RERE: variants seen among roughly 807,000 people sequenced by gnomAD.
RERE encodes arginine-glutamic acid dipeptide repeats protein.
Under a neutral mutation model 146.1 loss-of-function variants are expected in RERE, and 40 were observed. That is an observed-to-expected ratio of 0.27 (90% CI 0.21 to 0.36). The LOEUF (loss-of-function observed/expected upper bound fraction) is 0.36. Ranked by LOEUF, RERE falls within the 10% of genes least tolerant of loss-of-function variation. The probability of loss-of-function intolerance (pLI) is 1.00; values close to 1 mark genes in which losing one functional copy is unlikely to be tolerated. For missense variants in RERE, 1,933 were observed against 2,138.7 expected (o/e 0.90, Z 1.90); for synonymous variants, 1,003 against 866.0 (o/e 1.16, Z -2.78).
intron 1 of RERE, among the ~76,000 whole-genome samples, chr1:8,670,880 C>CTCTACGA (rs140114364): frequency 0.015 from 2,309 of 152,228 alleles, 60 homozygotes; most frequent in African/African-American, 0.053. Context: ...CCTCTGGCTC[C>CTCTACGA]TTAGGAAACA....
intron 4 of RERE, among the ~76,000 whole-genome samples, chr1:8,609,231 A>C (rs1646760809): frequency 6.6e-6 from 1 of 152,118 alleles, no homozygotes; most frequent in African/African-American, 2.4e-5. Flanking sequence ...AAAAAAAAAA[A>C]AAAGGAATAA....
chr1:8,507,398 C>T (rs1319367530), intron 8 of RERE, among the ~76,000 whole-genome samples: 1 of 152,196 alleles, frequency 6.6e-6, no homozygotes, highest in African/African-American at 2.4e-5. Context: ...CTTGACTCTC[C>T]TGAAGGAAAA....
intron 11 of RERE, among the ~76,000 whole-genome samples, chr1:8,444,555 A>G (rs1314589905): frequency 1.3e-5 from 2 of 152,186 alleles, no homozygotes; most frequent in Non-Finnish European, 2.9e-5. Context: ...CAGGAATGGA[A>G]TTATATAATT....
At chr1:8,695,345 T>C (rs548516711) in intron 1 of RERE, among the ~76,000 whole-genome samples, 7 of 152,146 alleles carry the variant, frequency 4.6e-5, no homozygotes, top group African/African-American at 1.7e-4. Flanking sequence ...ATTCCGACCC[T>C]TGGCTTTAGG....
intron 12 of RERE, among the ~76,000 whole-genome samples, chr1:8,392,050 C>T (rs922132686): frequency 1.3e-5 from 2 of 152,150 alleles, no homozygotes; most frequent in East Asian, 3.8e-4. Flanking sequence ...AAATAAAATT[C>T]TAGAAACCAG....
chr1:8,680,448 C>T (rs1444842256), intron 1 of RERE, among the ~76,000 whole-genome samples: 3 of 152,076 alleles, frequency 2.0e-5, no homozygotes, highest in Non-Finnish European at 2.9e-5. Flanking sequence ...AATTCTCGCC[C>T]GGAATTCTAG....
intron 4 of RERE, among the ~76,000 whole-genome samples, chr1:8,601,736 AACACACACACACACACACACACACAC>A (rs3082091): frequency 2.8e-5 from 4 of 140,812 alleles, no homozygotes; most frequent in Non-Finnish European, 6.1e-5. Context: ...GTCCAAGGTC[AACACACACACACACACACACACACAC>A]ACACACACAC....
chr1:8,383,894 T>C (rs1029836691), intron 12 of RERE, among the ~76,000 whole-genome samples: 1 of 144,916 alleles, frequency 6.9e-6, no homozygotes, highest in African/African-American at 2.6e-5. Flanking sequence ...TAAAATAAAA[T>C]AAAAATGTAT....
chr1:8,454,301 G>A (rs936817408), intron 11 of RERE, among the ~76,000 whole-genome samples: 7 of 152,210 alleles, frequency 4.6e-5, no homozygotes, highest in African/African-American at 1.2e-4. Context: ...ATGTGTACAC[G>A]TGTGTTTTCA....
chr1:8,360,690 C>T lies in RERE; in HGVS notation c.2817G>A (p.Leu939=). ...GGTGCTTGTGGGCCTGTGGCGCCGG[C>T]AGCTGGGGGATGGGAGTGGTAGGCG... ...KPPPTTPIPQ[L]PAPQAHKHPP... The change falls in exon 18 of 23, where the codon CTG becomes CTA. Residue 939 remains leucine (L), a synonymous_variant. Coordinates refer to ENST00000400908, the MANE Select transcript of RERE (RefSeq NM_001042681.2). 1 of 1,548,396 alleles carries T rather than the reference C, an allele frequency of 6.5e-7. No individual in the cohort carries two copies. Among genetic ancestry groups the T allele is most frequent in the South Asian group, 1.2e-5 (1 of 82,778 alleles).
chr1:8,726,134 C>T (rs1474018517), intron 1 of RERE, among the ~76,000 whole-genome samples: 1 of 143,168 alleles, frequency 7.0e-6, no homozygotes, highest in Non-Finnish European at 1.5e-5. Context: ...TTCCAGTTTT[C>T]CTTTTTTCTT....
intron 1 of RERE, among the ~76,000 whole-genome samples, chr1:8,720,873 C>T (rs1263337292): frequency 2.0e-5 from 3 of 152,078 alleles, no homozygotes; most frequent in African/African-American, 7.2e-5. Context: ...CTGACCAACA[C>T]GGTGCAACCC....
rs1645163209 is a variant in RERE, at chr1:8,501,788, C to T, written c.880-4259G>A. ...GGGATCAGCCCCCCGCCTGGCCAGC[C>T]GCCCCGACCGGGAGGTGAGGGGCGC... is the stretch of plus-strand genomic sequence containing the variant. On this transcript the variant is annotated intron_variant, in intron 8 of 22. Transcript: ENST00000400908. Among the ~76,000 whole-genome samples the T allele has an allele frequency of 1.6e-5, 2 of 125,132 alleles. 1 individual carries two copies. Among genetic ancestry groups the T allele is most frequent in the South Asian group, 5.2e-4 (2 of 3,816 alleles). 82.1% of individuals were successfully genotyped at this position (125,132 alleles called of 152,430 possible).
At chr1:8,553,268 C>T (rs1645960778) in intron 6 of RERE, among the ~76,000 whole-genome samples, 1 of 150,930 alleles carries the variant, frequency 6.6e-6, no homozygotes, top group South Asian at 2.1e-4. Flanking sequence ...ACCATTAAGC[C>T]AGTGCGTCCA....
At chr1:8,704,423 G>C (rs1282158857) in intron 1 of RERE, among the ~76,000 whole-genome samples, 2 of 152,066 alleles carry the variant, frequency 1.3e-5, no homozygotes, top group African/African-American at 2.4e-5. Flanking sequence ...ATTACTTCTG[G>C]TATCTTCACT....
intron 1 of RERE, among the ~76,000 whole-genome samples, chr1:8,793,310 G>GA (rs200439594): frequency 0.029 from 4,484 of 152,188 alleles, 79 homozygotes; most frequent in Middle Eastern, 0.078. Flanking sequence ...CTAAGGCTCA[G>GA]AAATCACTAC....
At chr1:8,498,728 T>TAC (rs1216791448) in intron 8 of RERE, among the ~76,000 whole-genome samples, 225 of 11,388 alleles carry the variant, frequency 0.02, 1 homozygote, top group African/African-American at 0.055. Flanking sequence ...AAAAAATAAA[T>TAC]ATATACACAC....
chr1:8,764,453 G>C (rs1039792897), intron 1 of RERE, among the ~76,000 whole-genome samples: 2 of 152,126 alleles, frequency 1.3e-5, no homozygotes, highest in African/African-American at 4.8e-5. Flanking sequence ...AGTCATCTAT[G>C]TATTCAGTCA....
At chr1:8,693,965 T>A (rs1386254884) in intron 1 of RERE, among the ~76,000 whole-genome samples, 2 of 149,266 alleles carry the variant, frequency 1.3e-5, no homozygotes, top group Non-Finnish European at 3.0e-5. Context: ...AATAAAATGC[T>A]ACTTATCTAA....
Sources: gnomAD v4.1 joint callset for allele counts (sites outside exome capture counted in the v4.1 genomes callset) on GRCh38, gnomAD v4.1.1 for gene constraint, MANE v1.5 for transcripts, NCBI Gene and HGNC (gene_info 2026-07-23, HGNC 2026-07-21) for gene names.